MAN1A1: variants seen among roughly 807,000 people sequenced by gnomAD.
The protein encoded by MAN1A1 is mannosyl-oligosaccharide 1,2-alpha-mannosidase IA.
MAN1A1 carries 29 observed loss-of-function variants against 70.8 expected under a neutral mutation model. The observed-to-expected ratio is 0.41, with a 90% CI of 0.31 to 0.56. The LOEUF is 0.56. MAN1A1 is among the 20% of genes least tolerant of loss of function. The pLI is 0.29. For synonymous variants in MAN1A1, 349 were observed against 330.1 expected, an observed-to-expected ratio of 1.06 and a Z score of -0.62; for missense variants, 747 against 841.3, an observed-to-expected ratio of 0.89 and a Z score of 1.39.
intron 11 of MAN1A1, among the ~76,000 whole-genome samples, chr6:119,181,272 T>C (rs1001115643): frequency 3.3e-5 from 5 of 152,148 alleles, no homozygotes; most frequent in African/African-American, 4.8e-5. Context: ...TCAACTGGGA[T>C]CATAAACCAC....
chr6:119,269,897 G>A (rs967196854), intron 5 of MAN1A1, among the ~76,000 whole-genome samples: 2 of 152,208 alleles, frequency 1.3e-5, no homozygotes, highest in African/African-American at 4.8e-5. Context: ...CTGGGTTCAA[G>A]CTATCCTCCT....
chr6:119,236,133 T>TAAAAAAA (rs367861780), intron 6 of MAN1A1, among the ~76,000 whole-genome samples: 1 of 137,044 alleles, frequency 7.3e-6, no homozygotes, highest in Non-Finnish European at 1.6e-5. Flanking sequence ...AGACTCCGTC[T>TAAAAAAA]AAAAAAAAAA....
intron 6 of MAN1A1, among the ~76,000 whole-genome samples, chr6:119,238,266 A>G (rs1402613809): frequency 1.3e-5 from 2 of 152,256 alleles, no homozygotes; most frequent in Non-Finnish European, 2.9e-5. Context: ...GAGAGAACAC[A>G]TAAGAACATG....
chr6:119,330,460 T>C (rs949520368), intron 2 of MAN1A1, among the ~76,000 whole-genome samples: 3 of 152,188 alleles, frequency 2.0e-5, no homozygotes, highest in Admixed American at 2.0e-4. Context: ...CAAGGATCTG[T>C]TCACTTTCTC....
chr6:119,186,728 T>C lies in MAN1A1; in HGVS notation c.1719+1677A>G, dbSNP rs111839639. 2.9e-3 allele frequency among the ~76,000 whole-genome samples: 435 copies of C among 152,188 alleles called. 5 individuals are homozygous for C. The highest frequency in any genetic ancestry group is 0.01 in the African/African-American group (421 of 41,504). ...ACAGCCAAGTGCTGGAGGTGGGAGC[T>C]GCAAGCATATGCGGGGCTGCTGCTG... On this transcript the variant is annotated intron_variant, in intron 11 of 12. Coordinates refer to ENST00000368468, the MANE Select transcript of MAN1A1 (RefSeq NM_005907.4).
chr6:119,308,682 T>C (rs1016077906), intron 2 of MAN1A1, among the ~76,000 whole-genome samples: 4 of 152,136 alleles, frequency 2.6e-5, no homozygotes, highest in African/African-American at 9.7e-5. Context: ...TAGAAACCAA[T>C]GAGCCTCTGA....
chr6:119,243,966 G>A (rs959859246), intron 6 of MAN1A1, among the ~76,000 whole-genome samples: 1 of 151,992 alleles, frequency 6.6e-6, no homozygotes, highest in Non-Finnish European at 1.5e-5. Context: ...TCCATACAGA[G>A]AAGTGATAAA....
In MAN1A1 at chr6:119,272,492, CAA is replaced by C. The variant is rs149482644; in HGVS notation, c.897+18189_897+18190del. On this transcript the variant is annotated intron_variant, in intron 5 of 12. Coordinates refer to ENST00000368468, the MANE Select transcript of MAN1A1 (RefSeq NM_005907.4). Reference sequence around the variant, plus strand: ...TTCAATTAGATCCTGTAGGAATAGACAAAGTCACTGACTGTGCCAGGTATCTC... The same window carrying C: ...TTCAATTAGATCCTGTAGGAATAGACAGTCACTGACTGTGCCAGGTATCTC... 4.8e-3 allele frequency among the ~76,000 whole-genome samples: 737 copies of C among 152,248 alleles called. 4 individuals are homozygous for C. Among genetic ancestry groups the C allele is most frequent in the African/African-American group, 0.017 (697 of 41,552 alleles).
At chr6:119,198,338 TG>T (rs1419389156) in intron 8 of MAN1A1, among the ~76,000 whole-genome samples, 1 of 152,110 alleles carries the variant, frequency 6.6e-6, no homozygotes, top group East Asian at 1.9e-4. Context: ...TGCAGTGAGC[TG>T]AGGCTGTGCC....
intron 6 of MAN1A1, among the ~76,000 whole-genome samples, chr6:119,223,550 T>A (rs1774423717): frequency 6.6e-6 from 1 of 152,106 alleles, no homozygotes; most frequent in Non-Finnish European, 1.5e-5. Context: ...GCCCTAAAAA[T>A]TATAATTTTA....
At chr6:119,211,073 A>G (rs2114957165) in intron 6 of MAN1A1, 1 of 298,938 alleles carries the variant, frequency 3.3e-6, no homozygotes, top group South Asian at 3.0e-5. Flanking sequence ...TAATAATAAT[A>G]TATGAAGTTA....
intron 3 of MAN1A1, among the ~76,000 whole-genome samples, chr6:119,303,057 C>T (rs1305411841): frequency 6.6e-6 from 1 of 152,026 alleles, no homozygotes; most frequent in Non-Finnish European, 1.5e-5. Context: ...CTTGCTCTGT[C>T]CCCCAGGGTG....
At chr6:119,289,442 AG>A (rs1776472313) in intron 5 of MAN1A1, among the ~76,000 whole-genome samples, 1 of 145,110 alleles carries the variant, frequency 6.9e-6, no homozygotes, top group Non-Finnish European at 1.5e-5. Context: ...TTAAAAATAT[AG>A]GGTTTTAGGG....
intron 5 of MAN1A1, among the ~76,000 whole-genome samples, chr6:119,274,197 T>A (rs774546050): frequency 6.6e-6 from 1 of 152,226 alleles, no homozygotes; most frequent in Non-Finnish European, 1.5e-5. Context: ...CTATAAAATG[T>A]TCACTGTAAA....
At chr6:119,244,368 T>C (rs1375570924) in intron 6 of MAN1A1, among the ~76,000 whole-genome samples, 3 of 152,106 alleles carry the variant, frequency 2.0e-5, no homozygotes, top group South Asian at 2.1e-4. Context: ...GTGTAACTTA[T>C]GCATTCTCAT....
At chr6:119,292,240 G>A (rs531025944) in intron 4 of MAN1A1, among the ~76,000 whole-genome samples, 1 of 151,982 alleles carries the variant, frequency 6.6e-6, no homozygotes, top group Admixed American at 6.6e-5. Context: ...AGATTATAAA[G>A]CACATTTCAA....
chr6:119,336,651 T>C (rs1453519360), intron 2 of MAN1A1, among the ~76,000 whole-genome samples: 1 of 152,228 alleles, frequency 6.6e-6, no homozygotes, highest in Admixed American at 6.5e-5. Flanking sequence ...CTTCTTTCTC[T>C]TTCTCAAAAT....
chr6:119,215,578 G>A (rs890074426), intron 6 of MAN1A1, among the ~76,000 whole-genome samples: 2 of 152,182 alleles, frequency 1.3e-5, no homozygotes, highest in African/African-American at 4.8e-5. Flanking sequence ...ATAAAGCAAT[G>A]AGCCAGTGGG....
At chr6:119,199,221 TA>T (rs1335697820) in intron 8 of MAN1A1, among the ~76,000 whole-genome samples, 3 of 152,284 alleles carry the variant, frequency 2.0e-5, no homozygotes, top group African/African-American at 7.2e-5. Flanking sequence ...TTCTATTTTT[TA>T]TTTAGAAACT....
Sources: allele counts gnomAD v4.1 joint callset (sites outside exome capture counted in the v4.1 genomes callset), GRCh38; gene constraint gnomAD v4.1.1; transcripts MANE v1.5; gene names NCBI Gene and HGNC (gene_info 2026-07-23, HGNC 2026-07-21).